Variants in MATR3 observed in about 807,000 individuals in gnomAD.
MATR3 encodes the protein matrin 3.
MATR3 carries 4 observed loss-of-function variants against 85.5 expected under a neutral mutation model. The observed-to-expected ratio is 0.05, with a 90% CI of 0.02 to 0.11. The LOEUF is 0.11. Among genes scored for constraint, MATR3 ranks in the 10% least tolerant of loss-of-function variants. The pLI is 1.00. For missense variants in MATR3, 685 were observed against 1,016.1 expected (o/e 0.67, Z 4.43); for synonymous variants, 336 against 343.1 (o/e 0.98, Z 0.23).
chr5:139,318,128 GGTTTTTTT>G (rs1755347876), intron 7 of MATR3, among the ~76,000 whole-genome samples: 2 of 152,010 alleles, frequency 1.3e-5, no homozygotes, highest in African/African-American at 2.4e-5. Context: ...TGTTTTTTGG[GGTTTTTTT>G]GTTTCTTTGT....
At chr5:139,278,182 T>C (rs1158902071) in intron 2 of MATR3, 1 of 251,634 alleles carries the variant, frequency 4.0e-6, no homozygotes, top group African/African-American at 2.3e-5. Context: ...CAGTGAACCA[T>C]GGTCATGCCA....
At chr5:139,322,206 G>A (rs1342715547) in intron 10 of MATR3, among the ~76,000 whole-genome samples, 177 bp downstream of exon 10, 2 of 152,146 alleles carry the variant, frequency 1.3e-5, no homozygotes, top group Admixed American at 6.5e-5. Context: ...GTTTTTAAAC[G>A]AGTCTTCCCT....
chr5:139,278,602 C>G (rs1423254863), intron 2 of MATR3: 1 of 357,690 alleles, frequency 2.8e-6, no homozygotes, highest in Non-Finnish European at 5.6e-6. Context: ...CAGGACCTCC[C>G]TGAATGTTGC....
chr5:139,326,026 T>G (rs1219243155), intron 13 of MATR3, 137 bp from the exon 14 acceptor site: 1 of 781,184 alleles, frequency 1.3e-6, no homozygotes, highest in Non-Finnish European at 2.1e-6. Flanking sequence ...TATGGTTCGG[T>G]TTTTGTTTTT....
chr5:139,307,280 C>G lies in MATR3; in HGVS notation c.-136C>G, dbSNP rs1754757228. 1 of 1,417,896 alleles carries G rather than the reference C, an allele frequency of 7.1e-7. No homozygotes were observed. The highest frequency in any genetic ancestry group is 1.5e-5 in the African/African-American group (1 of 68,504). 87.8% of individuals were successfully genotyped at this position (1,417,896 alleles called of 1,614,324 possible). ...TCAGCTTGAAGAAGATTCTGCAGTC[C>G]TTATTGATCCTTTTTCTTGGCGTTA... On this transcript the variant is annotated 5_prime_UTR_variant, in exon 2 of 15. Coordinates refer to ENST00000394805, the MANE Select transcript of MATR3 (RefSeq NM_018834.6). This position sits in a 1 kb window ranked among gnomAD's most constrained non-coding sequence, Gnocchi z 4.4.
At chr5:139,305,535 T>C (rs1245973314) in intron 1 of MATR3, among the ~76,000 whole-genome samples, 2 of 152,298 alleles carry the variant, frequency 1.3e-5, no homozygotes, top group East Asian at 3.9e-4. Flanking sequence ...ATTTGATTTG[T>C]AAAAATATGT....
Position 139,308,038 on chromosome 5 carries a change from C to T in MATR3, c.623C>T (p.Ser208Phe). The change falls in exon 2 of 15, where the codon TCT becomes TTT. Residue 208 changes from serine to phenylalanine, a missense_variant. Around this residue, in one of 9 missense-constraint regions of MATR3, gnomAD observed 223 missense variants for 334.4 expected, o/e 0.67. Coordinates refer to ENST00000394805, the MANE Select transcript of MATR3 (RefSeq NM_018834.6). ...CTTGATTATGACCATGGAAGTCGTT[C>T]TCAAGAATCTGGTTATTATGACAGA... ...PVLDYDHGSR[S>F]QESGYYDRMD... 2 of 1,614,092 alleles carry T rather than the reference C, an allele frequency of 1.2e-6. No homozygotes were observed. The highest frequency in any genetic ancestry group is 1.7e-6 in the Non-Finnish European group (2 of 1,180,018).
At chr5:139,329,290 A>G (rs1756010921) in intron 14 of MATR3, 55 bp from the exon 15 acceptor site, 18 of 1,237,668 alleles carry the variant, frequency 1.5e-5, no homozygotes. Flanking sequence ...GAATTAATCC[A>G]TTTTGCTGCA....
intron 3 of MATR3, among the ~76,000 whole-genome samples, chr5:139,286,146 CTCT>C (rs1753696094): frequency 6.6e-6 from 1 of 152,120 alleles, no homozygotes; most frequent in African/African-American, 2.4e-5. Flanking sequence ...TGACCCCATC[CTCT>C]TGCCACTGCT....
In MATR3 at chr5:139,322,925, A is replaced by T; in HGVS notation, c.2106A>T (p.Lys702Asn). Residue 702 changes from lysine to asparagine, a missense_variant, in exon 12 of 15, where the codon AAA becomes AAT. By Grantham distance (94) the Lys-to-Asn change is moderately conservative. This residue lies in a region of MATR3 where 215 missense variants were observed against 194.7 expected (regional missense o/e 1.10). Transcript: ENST00000394805. Reference sequence around the variant, plus strand: ...AACCATCAGATAAAGCTGTGAAAAAAGATGGAAGTGCTTCAGCAGCAGCAA... The same window carrying T: ...AACCATCAGATAAAGCTGTGAAAAATGATGGAAGTGCTTCAGCAGCAGCAA... Reference protein sequence around the residue: ...KKEPSDKAVKKDGSASAAAKK... With the variant: ...KKEPSDKAVKNDGSASAAAKK... The T allele has an allele frequency of 1.9e-6, 3 of 1,613,994 alleles. No individual in the cohort carries two copies. Among genetic ancestry groups the T allele is most frequent in the Non-Finnish European group, 1.7e-6 (2 of 1,179,980 alleles).
chr5:139,294,085 G>A, intron 1 of MATR3: 1 of 1,258,030 alleles, frequency 7.9e-7, no homozygotes, highest in Non-Finnish European at 1.0e-6. Context: ...TGCGGCGGGA[G>A]ATTTTGGGTG....
intron 9 of MATR3, among the ~76,000 whole-genome samples, chr5:139,320,770 C>G (rs1375704752): frequency 4.6e-4 from 48 of 105,056 alleles, no homozygotes; most frequent in Non-Finnish European, 7.0e-4. Flanking sequence ...TTTTTTGAGA[C>G]AGAGTCTCGC....
intron 14 of MATR3, among the ~76,000 whole-genome samples, chr5:139,326,928 A>G (rs1354456107): frequency 6.6e-6 from 1 of 152,212 alleles, no homozygotes; most frequent in South Asian, 2.1e-4. Context: ...TAAAAGTGGC[A>G]TGACCATTCA....
intron 3 of MATR3, chr5:139,283,287 G>A (rs148986318): frequency 2.1e-4 from 32 of 152,370 alleles, no homozygotes; most frequent in African/African-American, 7.7e-4. Flanking sequence ...AGTGACAATG[G>A]TAGAACTTCT....
intron 1 of MATR3, 149 bp downstream of exon 1, chr5:139,293,954 A>C (rs769207159): frequency 1.4e-5 from 18 of 1,253,658 alleles, no homozygotes; most frequent in East Asian, 3.1e-5. Flanking sequence ...CGCGTTGCGT[A>C]TGTGAGCCGC....
intron 2 of MATR3, chr5:139,310,723 CTT>C (rs2151967677): frequency 6.6e-6 from 1 of 151,880 alleles, no homozygotes. Context: ...TTTTAGGTGA[CTT>C]AAAGTGATGG....
chr5:139,321,657 G>T, intron 9 of MATR3: 1 of 518,904 alleles, frequency 1.9e-6, no homozygotes, highest in Non-Finnish European at 3.4e-6. Context: ...GGTGGTGCAT[G>T]CCTGTAGACC....
intron 3 of MATR3, among the ~76,000 whole-genome samples, chr5:139,286,239 C>T (rs1047288516): frequency 6.6e-6 from 1 of 152,032 alleles, no homozygotes; most frequent in Non-Finnish European, 1.5e-5. Flanking sequence ...TAAAACTGTC[C>T]CAGTAGATTT....
chr5:139,326,128 G>T, intron 13 of MATR3, 35 bp from the exon 14 acceptor site: 1 of 1,524,972 alleles, frequency 6.6e-7, no homozygotes, highest in Non-Finnish European at 9.1e-7. Context: ...AAAATCTTCA[G>T]TTTAATTTGT....
Sources: gnomAD v4.1 joint callset for allele counts (sites outside exome capture counted in the v4.1 genomes callset) on GRCh38, gnomAD v4.1.1 for gene constraint, gnomAD v4.1.1 regional missense constraint, Gnocchi (gnomAD v3.1) non-coding constraint, MANE v1.5 for transcripts, NCBI Gene and HGNC (gene_info 2026-07-23, HGNC 2026-07-21) for gene names.